Variants in FGF12 observed in about 807,000 individuals in gnomAD.
FGF12 encodes the protein fibroblast growth factor 12.
A neutral mutation model predicts 23.6 loss-of-function variants in FGF12; 14 were observed. The ratio of observed to expected loss-of-function variants is 0.59; its 90% CI spans 0.39 to 0.93. The LOEUF is 0.93. Ranked by LOEUF, FGF12 falls within the 40% of genes least tolerant of loss-of-function variation. FGF12 has a pLI of 0.00. For missense variants in FGF12, 175 were observed against 217.8 expected (o/e 0.80, Z 1.24); for synonymous variants, 62 against 77.3 (o/e 0.80, Z 1.04).
chr3:192,454,141 C>T (rs528054190), intron 2 of FGF12, among the ~76,000 whole-genome samples: 4 of 152,142 alleles, frequency 2.6e-5, no homozygotes, highest in Admixed American at 6.5e-5. Flanking sequence ...CAGGTTCAAG[C>T]GATTCTCCTG....
intron 2 of FGF12, among the ~76,000 whole-genome samples, chr3:192,639,730 C>T (rs944131840): frequency 1.3e-5 from 2 of 152,066 alleles, no homozygotes; most frequent in Non-Finnish European, 2.9e-5. Flanking sequence ...TGCAGAAAAA[C>T]AACTTTTATA....
chr3:192,544,640 A>G (rs1725451890), intron 2 of FGF12, among the ~76,000 whole-genome samples: 1 of 152,180 alleles, frequency 6.6e-6, no homozygotes, highest in African/African-American at 2.4e-5. Flanking sequence ...TTCTCTCTAC[A>G]ACACTTTAAA....
At chr3:192,657,189 T>C (rs1040714847) in intron 2 of FGF12, among the ~76,000 whole-genome samples, 1 of 152,130 alleles carries the variant, frequency 6.6e-6, no homozygotes, top group East Asian at 1.9e-4. Flanking sequence ...TTCTGAACTT[T>C]ATTTGATATA....
intron 3 of FGF12, among the ~76,000 whole-genome samples, chr3:192,341,248 G>T (rs1717675467): frequency 6.6e-6 from 1 of 152,076 alleles, no homozygotes; most frequent in African/African-American, 2.4e-5. Context: ...ATTATGAGCT[G>T]TTAACCTAAA....
chr3:192,562,385 A>AT (rs1249484342), intron 2 of FGF12, among the ~76,000 whole-genome samples: 1 of 152,188 alleles, frequency 6.6e-6, no homozygotes, highest in Non-Finnish European at 1.5e-5. Flanking sequence ...TTGCATTTAA[A>AT]TTTTTAATTA....
intron 4 of FGF12, among the ~76,000 whole-genome samples, chr3:192,234,262 T>G (rs541764178): frequency 8.5e-5 from 13 of 152,316 alleles, no homozygotes; most frequent in Admixed American, 5.2e-4. Context: ...CATAGAGTAC[T>G]TTCCCCTCCC....
At chr3:192,441,453 C>T (rs1722198409) in intron 2 of FGF12, among the ~76,000 whole-genome samples, 1 of 152,170 alleles carries the variant, frequency 6.6e-6, no homozygotes, top group African/African-American at 2.4e-5. Flanking sequence ...GCCTCAGTTT[C>T]CTTCCCTGTA....
chr3:192,164,021 A>T (rs1424079988), intron 5 of FGF12, among the ~76,000 whole-genome samples: 1 of 152,134 alleles, frequency 6.6e-6, no homozygotes, highest in Admixed American at 6.6e-5. Flanking sequence ...AATCTTTGCA[A>T]AGTACACAGA....
intron 2 of FGF12, among the ~76,000 whole-genome samples, chr3:192,599,790 A>G (rs1712793054): frequency 6.6e-6 from 1 of 152,116 alleles, no homozygotes; most frequent in South Asian, 2.1e-4. Context: ...AAACATGTAA[A>G]TAATACAAAT....
chr3:192,717,166 G>C (rs896503806), intron 2 of FGF12, among the ~76,000 whole-genome samples: 5 of 152,178 alleles, frequency 3.3e-5, no homozygotes, highest in African/African-American at 1.2e-4. Flanking sequence ...TAGTTTTTCA[G>C]TAACAAAGGA....
rs866665629 is a variant in FGF12, at chr3:192,223,940, A to C, written c.229-53284T>G. On this transcript the variant is annotated intron_variant, in intron 4 of 5. Transcript: ENST00000445105. ...AAGGCACTTCCCCATAGCCCATAAA[A>C]AGAAGAAAGACAAAGTGTATAGAGT... 5.2e-4 allele frequency among the ~76,000 whole-genome samples: 79 copies of C among 152,214 alleles called. 1 individual carries two copies. Among genetic ancestry groups the C allele is most frequent in the African/African-American group, 1.7e-3 (71 of 41,536 alleles).
rs569938981 is a variant in FGF12, at chr3:192,482,248, T to C, written c.14-121710A>G. 3.3e-5 allele frequency among the ~76,000 whole-genome samples: 5 copies of C among 152,314 alleles called. No individual in the cohort carries two copies. In the East Asian group the frequency reaches 5.8e-4, roughly 18 times the overall value. Reference sequence around the variant, plus strand: ...GAGAAAAAATATAAACATATTCATATATTATTTAAGATTATTTTATTAAAT... The same window carrying C: ...GAGAAAAAATATAAACATATTCATACATTATTTAAGATTATTTTATTAAAT... On this transcript the variant is annotated intron_variant, in intron 2 of 5. Coordinates refer to ENST00000445105, the MANE Select transcript of FGF12 (RefSeq NM_004113.6).
At chr3:192,585,490 C>G (rs1326792641) in intron 2 of FGF12, among the ~76,000 whole-genome samples, 1 of 152,096 alleles carries the variant, frequency 6.6e-6, no homozygotes, top group Non-Finnish European at 1.5e-5. Flanking sequence ...ACTCTAATGT[C>G]CATAAGAGAT....
chr3:192,434,780 A>C (rs1429090924), intron 2 of FGF12, among the ~76,000 whole-genome samples: 3 of 152,028 alleles, frequency 2.0e-5, no homozygotes, highest in Non-Finnish European at 4.4e-5. Context: ...ATCTCAAAGC[A>C]TTTCCCCCAG....
At chr3:192,310,100 A>G (rs34700953) in intron 4 of FGF12, among the ~76,000 whole-genome samples, 1 of 152,302 alleles carries the variant, frequency 6.6e-6, no homozygotes, top group South Asian at 2.1e-4. Context: ...ACATAAGAAT[A>G]CTGTAATAAA....
intron 2 of FGF12, among the ~76,000 whole-genome samples, chr3:192,391,093 T>C (rs1356567428): frequency 6.6e-6 from 1 of 152,276 alleles, no homozygotes; most frequent in Non-Finnish European, 1.5e-5. Context: ...GGAGAAACCA[T>C]AGCCGAGCAA....
rs1481256848 is a variant in FGF12 at position 192,408,802 on chromosome 3, G to A, written c.14-48264C>T. 1.0e-6 allele frequency: 1 copy of A among 985,932 alleles called. No homozygotes were observed. 61.1% of individuals were successfully genotyped at this position (985,932 alleles called of 1,614,324 possible). A position where few individuals can be genotyped will look rare whatever the true frequency, so the allele number is the denominator to read the frequency against. ...AGAAAACAAGCCACCAACCGCACGA[G>A]AGAAGGAGAGGAAGGCAGCAATTTA... is the stretch of plus-strand genomic sequence containing the variant. On this transcript the variant is annotated intron_variant, in intron 2 of 5. Coordinates refer to ENST00000445105, the MANE Select transcript of FGF12 (RefSeq NM_004113.6). This position sits in a 1 kb window ranked among gnomAD's most constrained non-coding sequence, Gnocchi z 7.3.
At chr3:192,454,732 T>C (rs1722627461) in intron 2 of FGF12, among the ~76,000 whole-genome samples, 1 of 151,976 alleles carries the variant, frequency 6.6e-6, no homozygotes, top group African/African-American at 2.4e-5. Flanking sequence ...TTAGCGATAA[T>C]TTCACCAAAA....
intron 4 of FGF12, among the ~76,000 whole-genome samples, chr3:192,308,785 C>T (rs61483484): frequency 0.32 from 47,879 of 151,810 alleles, 10,611 homozygotes; most frequent in African/African-American, 0.62. Context: ...TTTTACTTGA[C>T]GGAGCATTGG....
Sources: gnomAD v4.1 joint callset for allele counts (sites outside exome capture counted in the v4.1 genomes callset) on GRCh38, gnomAD v4.1.1 for gene constraint, Gnocchi (gnomAD v3.1) non-coding constraint, MANE v1.5 for transcripts, NCBI Gene and HGNC (gene_info 2026-07-23, HGNC 2026-07-21) for gene names.